The following ATRN variants were observed in gnomAD, a reference collection of about 807,000 sequenced individuals.
The protein encoded by ATRN is attractin.
In ATRN, 54 loss-of-function variants were observed where a neutral mutation model predicts 178.7. That is an observed-to-expected ratio of 0.30 (90% CI 0.24 to 0.38). ATRN has a LOEUF of 0.38. Among genes scored for constraint, ATRN ranks in the 10% least tolerant of loss-of-function variants. The pLI is 1.00. For missense variants in ATRN, 1,443 were observed against 1,815.1 expected (o/e 0.79, Z 3.73); for synonymous variants, 636 against 663.0 (o/e 0.96, Z 0.63).
intron 1 of ATRN, among the ~76,000 whole-genome samples, chr20:3,488,711 A>G (rs1052149108): frequency 6.6e-6 from 1 of 152,148 alleles, no homozygotes; most frequent in African/African-American, 2.4e-5. Flanking sequence ...GCATTTCCAT[A>G]TAGATTTTAG....
At chr20:3,476,358 C>G (rs1249404983) in intron 1 of ATRN, among the ~76,000 whole-genome samples, 4 of 152,116 alleles carry the variant, frequency 2.6e-5, no homozygotes. Context: ...TTTTATTATA[C>G]CATTTGGCGT....
rs1197967327 is a variant in ATRN, at chr20:3,554,749, G to GCAATTCC, written c.1113-4641_1113-4635dup. On this transcript the variant is annotated intron_variant, in intron 6 of 28. Coordinates refer to ENST00000262919, the MANE Select transcript of ATRN (RefSeq NM_139321.3). ...CAAAACTTTTTAGTTGCATTAAAAAGCAATTCCCATTTTGTTACCCAATGG... is the reference window on the plus strand; with the variant it reads ...CAAAACTTTTTAGTTGCATTAAAAAGCAATTCCCAATTCCCATTTTGTTACCCAATGG... Among the ~76,000 whole-genome samples the GCAATTCC allele has an allele frequency of 3.3e-5, 5 of 152,028 alleles. 1 individual carries two copies. Among genetic ancestry groups the GCAATTCC allele is most frequent in the African/African-American group, 1.2e-4 (5 of 41,356 alleles).
chr20:3,577,114 AT>A (rs1449393452), intron 14 of ATRN, 117 bp downstream of exon 14: 4 of 1,288,534 alleles, frequency 3.1e-6, no homozygotes, highest in Non-Finnish European at 4.2e-6. Flanking sequence ...CTGTCCATTC[AT>A]CCCCCACACG....
chr20:3,646,613 G>A, intron 28 of ATRN, 110 bp from the exon 29 acceptor site: 1 of 1,392,928 alleles, frequency 7.2e-7, no homozygotes, highest in Non-Finnish European at 9.5e-7. Flanking sequence ...TGGTTTTTTG[G>A]TTTGTTTGTT....
intron 1 of ATRN, among the ~76,000 whole-genome samples, chr20:3,485,869 C>T (rs1167942800): frequency 1.3e-5 from 2 of 152,042 alleles, no homozygotes; most frequent in Admixed American, 1.3e-4. Flanking sequence ...ATCCTCCTGC[C>T]TCAGCCTCCC....
At chr20:3,596,219 A>C (rs1002315515) in intron 20 of ATRN, among the ~76,000 whole-genome samples, 158 bp from the exon 21 acceptor site, 2 of 152,234 alleles carry the variant, frequency 1.3e-5, no homozygotes, top group African/African-American at 4.8e-5. Context: ...GCGTTCATGC[A>C]TGCTCTTCCT....
At position 3,537,328 on chromosome 20, in the gene ATRN, C is replaced by T. The variant is rs77653813; in HGVS notation, c.494+1992C>T. Among the ~76,000 whole-genome samples, 510 of 152,158 alleles carry T rather than the reference C, an allele frequency of 3.4e-3. 5 individuals carry two copies. The highest frequency in any genetic ancestry group is 0.012 in the African/African-American group (479 of 41,526). On this transcript the variant is annotated intron_variant, in intron 2 of 28. Transcript: ENST00000262919. ...TGCCAGATATCCAACTCTGAATAACCGTAGTTTATTGATTGTTCTTTCAAG... is the reference window on the plus strand; with the variant it reads ...TGCCAGATATCCAACTCTGAATAACTGTAGTTTATTGATTGTTCTTTCAAG...
At chr20:3,563,662 C>T (rs1432225779) in intron 10 of ATRN, among the ~76,000 whole-genome samples, 1 of 152,114 alleles carries the variant, frequency 6.6e-6, no homozygotes, top group Non-Finnish European at 1.5e-5. Context: ...TACATAGTTG[C>T]AACCACCAGC....
At chr20:3,484,453 G>C (rs1210910127) in intron 1 of ATRN, among the ~76,000 whole-genome samples, 1 of 151,824 alleles carries the variant, frequency 6.6e-6, no homozygotes, top group East Asian at 1.9e-4. Context: ...CCTGTAACTT[G>C]TTTCTGTGAA....
chr20:3,601,697 C>CAAA (rs11475145), intron 23 of ATRN, among the ~76,000 whole-genome samples: 6 of 84,828 alleles, frequency 7.1e-5, no homozygotes, highest in East Asian at 3.9e-4. Context: ...ACCCTGTCTA[C>CAAA]AAAAAAAAAA....
chr20:3,545,236 T>G (rs2085682699), intron 3 of ATRN, among the ~76,000 whole-genome samples: 1 of 151,576 alleles, frequency 6.6e-6, no homozygotes, highest in Non-Finnish European at 1.5e-5. Context: ...GGCATGGTGG[T>G]GGGCACCTGT....
intron 1 of ATRN, among the ~76,000 whole-genome samples, chr20:3,484,319 CTTGTCCTTT>C (rs2084661895): frequency 6.6e-6 from 1 of 151,248 alleles, no homozygotes; most frequent in South Asian, 2.1e-4. Flanking sequence ...TCCTTTATGG[CTTGTCCTTT>C]TTGTGTTATA....
At chr20:3,599,660 A>G (rs1209401354) in intron 22 of ATRN, among the ~76,000 whole-genome samples, 1 of 152,178 alleles carries the variant, frequency 6.6e-6, no homozygotes, top group African/African-American at 2.4e-5. Flanking sequence ...CAGAGGGTGG[A>G]CTTTTCATAT....
At chr20:3,633,905 T>A (rs1195774403) in intron 25 of ATRN, among the ~76,000 whole-genome samples, 1 of 152,254 alleles carries the variant, frequency 6.6e-6, no homozygotes, top group Admixed American at 6.5e-5. Context: ...AAGTTGATTG[T>A]TACTTTAATA....
chr20:3,582,005 C>A, intron 15 of ATRN, 130 bp from the exon 16 acceptor site: 1 of 813,200 alleles, frequency 1.2e-6, no homozygotes, highest in Non-Finnish European at 1.9e-6. Flanking sequence ...TTTGGGAGGC[C>A]AAGGTGGGAG....
At chr20:3,604,302 G>GAAATCTCT in intron 24 of ATRN, 40 bp downstream of exon 24, 1 of 1,544,752 alleles carries the variant, frequency 6.5e-7, no homozygotes, top group Non-Finnish European at 8.7e-7. Context: ...CAAAGGTGGT[G>GAAATCTCT]AAATCTCTTT....
chr20:3,626,615 T>G (rs574585080), intron 25 of ATRN, among the ~76,000 whole-genome samples: 1 of 152,218 alleles, frequency 6.6e-6, no homozygotes, highest in South Asian at 2.1e-4. Flanking sequence ...ATCTGTTCCA[T>G]TCTCTTGTTC....
chr20:3,634,456 G>T (rs540613198), intron 26 of ATRN, 67 bp downstream of exon 26: 1 of 1,470,606 alleles, frequency 6.8e-7, no homozygotes, highest in Admixed American at 1.7e-5. Context: ...TTTCTCTTAA[G>T]CAAGTGGGTT....
intron 20 of ATRN, 121 bp downstream of exon 20, chr20:3,594,693 G>A: frequency 1.4e-6 from 1 of 739,594 alleles, no homozygotes; most frequent in Non-Finnish European, 2.0e-6. Context: ...AGGGATCCCT[G>A]GGTTGATTAG....
Sources: allele counts gnomAD v4.1 joint callset (sites outside exome capture counted in the v4.1 genomes callset), GRCh38; gene constraint gnomAD v4.1.1; transcripts MANE v1.5; gene names NCBI Gene and HGNC (gene_info 2026-07-23, HGNC 2026-07-21).